Variants in TSBP1 observed in about 807,000 individuals in gnomAD.
TSBP1 encodes the protein testis expressed basic protein 1.
TSBP1 carries 56 observed loss-of-function variants against 68.8 expected under a neutral mutation model. The ratio of observed to expected loss-of-function variants is 0.81; its 90% confidence interval spans 0.66 to 1.02. The LOEUF is 1.02. Among genes scored for constraint, TSBP1 ranks in the 50% least tolerant of loss-of-function variants. The pLI is 0.00. For missense variants in TSBP1, 502 were observed against 641.2 expected, an observed-to-expected ratio of 0.78 and a Z score of 2.34; for synonymous variants, 171 against 208.7, an observed-to-expected ratio of 0.82 and a Z score of 1.56.
rs9281749 is a variant in TSBP1 at position 32,358,910 on chromosome 6, T to TTTATTA, written c.218-3247_218-3242dup. On this transcript the variant is annotated intron_variant, in intron 6 of 22. Coordinates refer to ENST00000612031, the Ensembl canonical transcript of TSBP1. ...GTGTCTTTATAGCAGCATGATTTGT[T>TTTATTA]TTATTATTATTATTATTATTATTAT... Among the ~76,000 whole-genome samples, 180 of 148,102 alleles carry TTTATTA rather than the reference T, an allele frequency of 1.2e-3. 1 individual carries two copies. Among genetic ancestry groups the TTTATTA allele is most frequent in the Middle Eastern group, 6.9e-3 (2 of 290 alleles).
At position 32,361,655 on chromosome 6, in the gene TSBP1, G is replaced by T. The variant is rs1460346356; in HGVS notation, c.217+4512C>A. Among the ~76,000 whole-genome samples, 1 of 152,046 alleles carries T rather than the reference G, an allele frequency of 6.6e-6. No individual in the cohort carries two copies. Among genetic ancestry groups the T allele is most frequent in the African/African-American group, 2.4e-5 (1 of 41,376 alleles). On this transcript the variant is annotated intron_variant, in intron 6 of 22. Coordinates refer to ENST00000612031, the Ensembl canonical transcript of TSBP1. The surrounding 1 kb of genome is among the most constrained non-coding windows in gnomAD (Gnocchi z 4.3). ...ATGATGAGTATTTTTTCATATGTCT[G>T]TTGGCTGCGTAAATGTCTTCTTTTA...
intron 4 of TSBP1, among the ~76,000 whole-genome samples, chr6:32,367,265 A>AGAGAGAGAGAGAGAG (rs9281758): frequency 0.01 from 1,230 of 117,664 alleles, 28 homozygotes; most frequent in African/African-American, 0.01. Flanking sequence ...GAGAGAGAGA[A>AGAGAGAGAGAGAGAG]AGAGAGAGAG....
intron 16 of TSBP1, chr6:32,324,608 T>G: frequency 7.2e-7 from 1 of 1,395,582 alleles, no homozygotes; most frequent in Non-Finnish European, 9.5e-7. Flanking sequence ...TGGACTCCAC[T>G]AGAGACCGAG....
In TSBP1 at chr6:32,328,233, C is replaced by T. The variant is rs552346581; in HGVS notation, c.514+2356G>A. Among the ~76,000 whole-genome samples the T allele has an allele frequency of 2.6e-5, 4 of 151,534 alleles. No homozygotes were observed. In the South Asian group the frequency reaches 6.3e-4, roughly 24 times the overall value. On this transcript the variant is annotated intron_variant, in intron 16 of 22. Transcript: ENST00000612031. ...CTGGGATTATAGGCGTGAGCCACTG[C>T]GCCCGGCCTCATTTTTTTTTGTGTG... is the stretch of plus-strand genomic sequence containing the variant.
At chr6:32,339,541 T>C (rs1436775774) in intron 10 of TSBP1, 59 bp downstream of exon 11, 1 of 889,210 alleles carries the variant, frequency 1.1e-6, no homozygotes, top group South Asian at 1.4e-5. Flanking sequence ...TCCCATAAAT[T>C]TGTACAATTA....
Position 32,340,716 on chromosome 6 carries a change from G to T in TSBP1, c.350-1078C>A, listed in dbSNP as rs1770233745. Among the ~76,000 whole-genome samples the T allele has an allele frequency of 1.3e-5, 2 of 152,122 alleles. No individual in the cohort carries two copies. The highest frequency in any genetic ancestry group is 1.3e-4 in the Admixed American group (2 of 15,276). On this transcript the variant is annotated intron_variant, in intron 9 of 22. Transcript: ENST00000612031. This position sits in a 1 kb window ranked among gnomAD's most constrained non-coding sequence, Gnocchi z 4.8. ...TTACTGATTTCTGCCACAGGCAAAG[G>T]CATGAGCAGAAATGTAACACAGGTC...
chr6:32,299,100 A>ATGGGAAGAG (rs1263707349), intron 22 of TSBP1, among the ~76,000 whole-genome samples: 1 of 152,248 alleles, frequency 6.6e-6, no homozygotes, highest in African/African-American at 2.4e-5. Flanking sequence ...ATGTGTTAGT[A>ATGGGAAGAG]TGGGAAGAGT....
Position 32,299,904 on chromosome 6 carries a change from A to G in TSBP1, c.637+18T>C. The G allele has an allele frequency of 1.3e-6, 2 of 1,591,730 alleles. No homozygotes were observed. The highest frequency in any genetic ancestry group is 1.7e-6 in the Non-Finnish European group (2 of 1,159,556). On this transcript the variant is annotated intron_variant, in intron 22 of 22. Coordinates refer to ENST00000612031, the Ensembl canonical transcript of TSBP1. ...AGCAATGTAAAATATCAGAGTTGAG[A>G]ATAGATATGGAACTTACCCACAGGA...
At chr6:32,350,889 T>C (rs973151914) in intron 8 of TSBP1, among the ~76,000 whole-genome samples, 8 of 152,120 alleles carry the variant, frequency 5.3e-5, no homozygotes, top group African/African-American at 1.7e-4. Context: ...ACTTTGAAGA[T>C]AGAAGAAGGG....
chr6:32,316,323 A>G lies in TSBP1; in HGVS notation c.560-531T>C. On this transcript the variant is annotated intron_variant, in intron 18 of 22. Transcript: ENST00000612031. This position sits in a 1 kb window ranked among gnomAD's most constrained non-coding sequence, Gnocchi z 4.5. The stretch of plus-strand genomic sequence containing the variant: ...AAGCAAGGGAATAATGGGAACCACA[A>G]ATCACTTTGACAGAAGTGAAGTGAA... 1.6e-6 allele frequency: 2 copies of G among 1,260,628 alleles called. No individual in the cohort carries two copies. The highest frequency in any genetic ancestry group is 1.5e-5 in the African/African-American group (1 of 66,870). 78.1% of individuals were successfully genotyped at this position (1,260,628 alleles called of 1,614,324 possible).
At chr6:32,294,113 G>T in intron 22 of TSBP1, 78 bp from the exon 26 acceptor site, 11 of 1,572,744 alleles carry the variant, frequency 7.0e-6, no homozygotes, top group Non-Finnish European at 9.5e-6. Context: ...CTTGATACTG[G>T]TTCCTTTTTT....
At chr6:32,355,745 T>C (rs1445898090) in intron 6 of TSBP1, 76 bp from the exon 7 acceptor site, 10 of 1,509,452 alleles carry the variant, frequency 6.6e-6, no homozygotes, top group African/African-American at 1.4e-5. Context: ...CTACAGAGGA[T>C]TACCCAATCA....
At position 32,335,504 on chromosome 6, in the gene TSBP1, T is replaced by C. The variant is rs1769546146; in HGVS notation, c.452-47A>G. The C allele has an allele frequency of 1.7e-5, 20 of 1,176,000 alleles. No homozygotes were observed. The highest frequency in any genetic ancestry group is 2.2e-5 in the Non-Finnish European group (20 of 907,208). 72.8% of individuals were successfully genotyped at this position (1,176,000 alleles called of 1,614,324 possible). ...AATCAGTAGCTATATATATATTTTA[T>C]ATATACTTTTTATTTATATACTTTA... On this transcript the variant is annotated intron_variant, in intron 13 of 22. Coordinates refer to ENST00000612031, the Ensembl canonical transcript of TSBP1. This position sits in a 1 kb window ranked among gnomAD's most constrained non-coding sequence, Gnocchi z 5.5.
Position 32,361,505 on chromosome 6 carries a change from AAACAT to A in TSBP1, c.217+4657_217+4661del. On this transcript the variant is annotated intron_variant, in intron 6 of 22. Coordinates refer to ENST00000612031, the Ensembl canonical transcript of TSBP1. The surrounding 1 kb of genome is among the most constrained non-coding windows in gnomAD (Gnocchi z 4.3). ...GTTTACACTCCCACCAACATTGTAAAAACATTCCTATTTCTCCATATCCTCTCCAG... is the reference window on the plus strand; with the variant it reads ...GTTTACACTCCCACCAACATTGTAAATCCTATTTCTCCATATCCTCTCCAG... 6.6e-6 allele frequency among the ~76,000 whole-genome samples: 1 copy of A among 152,170 alleles called. No homozygotes were observed. Among genetic ancestry groups the A allele is most frequent in the Non-Finnish European group, 1.5e-5 (1 of 68,026 alleles).
Position 32,336,578 on chromosome 6 carries a change from A to G in TSBP1, c.430+37T>C, listed in dbSNP as rs1304863398. 3 of 1,587,152 alleles carry G rather than the reference A, an allele frequency of 1.9e-6. No homozygotes were observed. Among genetic ancestry groups the G allele is most frequent in the Non-Finnish European group, 2.6e-6 (3 of 1,156,624 alleles). ...CCCAAGACCTTGTAGGTCAGATATC[A>G]AAGGGACCAGAGTGGAAAAACAAAC... On this transcript the variant is annotated intron_variant, in intron 12 of 22. Transcript: ENST00000612031. This position sits in a 1 kb window ranked among gnomAD's most constrained non-coding sequence, Gnocchi z 5.2.
intron 19 of TSBP1, among the ~76,000 whole-genome samples, chr6:32,310,216 C>T (rs199879322): frequency 2.6e-5 from 4 of 151,632 alleles, no homozygotes; most frequent in Non-Finnish European, 5.9e-5. Flanking sequence ...TTTTTAATGT[C>T]TGTCAGCTTA....
At position 32,295,848 on chromosome 6, in the gene TSBP1, T is replaced by C. The variant is rs949912929; in HGVS notation, c.638-1813A>G. Among the ~76,000 whole-genome samples, 142 of 150,768 alleles carry C rather than the reference T, an allele frequency of 9.4e-4. 2 individuals are homozygous for C. Among genetic ancestry groups the C allele is most frequent in the African/African-American group, 3.3e-3 (136 of 41,106 alleles). On this transcript the variant is annotated intron_variant, in intron 22 of 22. Transcript: ENST00000612031. ...TTGTATTACAGGAAAATTTCTTTTT[T>C]TTTTTTTTTTTTTGAGATGGAGTTT...
chr6:32,335,389 C>A lies in TSBP1; in HGVS notation c.472+48G>T. ...ATTGAAATAAAAATAGATTGATGTTCTAAGTAAAGTACTAAAAGGCATTAT... is the reference window on the plus strand; with the variant it reads ...ATTGAAATAAAAATAGATTGATGTTATAAGTAAAGTACTAAAAGGCATTAT... On this transcript the variant is annotated intron_variant, in intron 14 of 22. Transcript: ENST00000612031. This position sits in a 1 kb window ranked among gnomAD's most constrained non-coding sequence, Gnocchi z 5.5. 1.4e-6 allele frequency: 2 copies of A among 1,471,962 alleles called. No individual in the cohort carries two copies. The highest frequency in any genetic ancestry group is 2.6e-5 in the East Asian group (1 of 38,188). 91.2% of individuals were successfully genotyped at this position (1,471,962 alleles called of 1,614,324 possible). A position where few individuals can be genotyped will look rare whatever the true frequency, so the allele number is the denominator to read the frequency against.
intron 18 of TSBP1, among the ~76,000 whole-genome samples, chr6:32,317,523 C>T (rs957119155): frequency 2.6e-5 from 4 of 152,152 alleles, no homozygotes; most frequent in African/African-American, 9.7e-5. Context: ...AAATAGGCAA[C>T]CTACAGAATG....
Sources: gnomAD v4.1 joint callset for allele counts (sites outside exome capture counted in the v4.1 genomes callset) on GRCh38, gnomAD v4.1.1 for gene constraint, Gnocchi (gnomAD v3.1) non-coding constraint, MANE v1.5 for transcripts, NCBI Gene and HGNC (gene_info 2026-07-23, HGNC 2026-07-21) for gene names.